Variants in ROCK2 observed in about 807,000 individuals in gnomAD.
ROCK2 encodes rho-associated protein kinase 2.
A neutral mutation model predicts 195.1 loss-of-function variants in ROCK2; 61 were observed. The observed-to-expected ratio is 0.31, with a 90% CI of 0.25 to 0.39. The LOEUF (loss-of-function observed/expected upper bound fraction) is 0.39. Ranked by LOEUF, ROCK2 falls within the 10% of genes least tolerant of loss-of-function variation. The pLI, the probability that ROCK2 is intolerant of heterozygous loss-of-function variation, is 1.00. For synonymous variants in ROCK2, 504 were observed against 545.5 expected (o/e 0.92, Z 1.06); for missense variants, 1,109 against 1,637.4 (o/e 0.68, Z 5.57).
intron 32 of ROCK2, among the ~76,000 whole-genome samples, chr2:11,186,549 C>A (rs1663206683): frequency 6.6e-6 from 1 of 152,172 alleles, no homozygotes; most frequent in African/African-American, 2.4e-5. Context: ...TTTTCATTGT[C>A]AAGTACTCAG....
chr2:11,342,774 A>C (rs1313327428), intron 1 of ROCK2, among the ~76,000 whole-genome samples: 3 of 152,224 alleles, frequency 2.0e-5, no homozygotes, highest in African/African-American at 7.2e-5. Flanking sequence ...CATCAAACAC[A>C]TGTGACACAA....
intron 1 of ROCK2, among the ~76,000 whole-genome samples, chr2:11,297,081 G>C (rs756668595): frequency 2.0e-5 from 3 of 151,970 alleles, no homozygotes; most frequent in Non-Finnish European, 4.4e-5. Context: ...TAAAAATCTG[G>C]AACAGAAAAA....
At chr2:11,306,111 A>G (rs1028853245) in intron 1 of ROCK2, among the ~76,000 whole-genome samples, 2 of 152,240 alleles carry the variant, frequency 1.3e-5, no homozygotes, top group African/African-American at 4.8e-5. Flanking sequence ...CCTGGGTCAG[A>G]TTCTTTTGCT....
chr2:11,276,617 TG>T (rs1288989973), intron 3 of ROCK2, among the ~76,000 whole-genome samples: 2 of 152,186 alleles, frequency 1.3e-5, no homozygotes, highest in Admixed American at 6.5e-5. Flanking sequence ...ATGCAAACCC[TG>T]TAACTCCAAT....
intron 1 of ROCK2, among the ~76,000 whole-genome samples, chr2:11,326,286 G>A (rs1668547682): frequency 6.6e-6 from 1 of 152,138 alleles, no homozygotes; most frequent in Admixed American, 6.5e-5. Context: ...GGCAGCAAAG[G>A]AGCCTAAGGA....
intron 5 of ROCK2, among the ~76,000 whole-genome samples, chr2:11,233,436 T>C (rs886365973): frequency 6.6e-6 from 1 of 152,210 alleles, no homozygotes; most frequent in Non-Finnish European, 1.5e-5. Flanking sequence ...ACAGCCATTC[T>C]GGAGATCGGG....
intron 11 of ROCK2, 192 bp downstream of exon 11, chr2:11,218,263 T>C: frequency 2.5e-6 from 1 of 403,342 alleles, no homozygotes; most frequent in African/African-American, 2.1e-5. Context: ...AAAAACAAAA[T>C]TACATAATAT....
Position 11,222,093 on chromosome 2 carries a change from G to A in ROCK2, c.1089C>T (p.Asn363=). Residue 363 remains asparagine (N), a synonymous_variant, in exon 8 of 33, where the codon AAC becomes AAT. Coordinates refer to ENST00000315872, the MANE Select transcript of ROCK2 (RefSeq NM_004850.5). ...GGTTTATTGACTTACTTTCTCTTAT[G>A]TTATCCCAATGCCACTGATCATTCT... The part of the protein sequence containing the change: ...FFKNDQWHWD[N]IRETAAPVVP... 1.3e-6 allele frequency: 2 copies of A among 1,595,938 alleles called. No homozygotes were observed. The highest frequency in any genetic ancestry group is 1.7e-6 in the Non-Finnish European group (2 of 1,164,202).
In ROCK2 at chr2:11,288,931, GTAAT is replaced by G. The variant is rs370157219; in HGVS notation, c.142-1199_142-1196del. Among the ~76,000 whole-genome samples, 57 of 152,170 alleles carry G rather than the reference GTAAT, an allele frequency of 3.7e-4. No homozygotes were observed. The East Asian group carries it at 9.1e-3, about 24-fold the overall frequency. ...TGAAAAAAAATTTTTCTTTAGAAAG[GTAAT>G]TAATCTACTAATCCTAGAATAACTG... On this transcript the variant is annotated intron_variant, in intron 1 of 32. Transcript: ENST00000315872.
intron 3 of ROCK2, among the ~76,000 whole-genome samples, chr2:11,279,148 AAAC>A (rs1338265516): frequency 1.3e-5 from 2 of 152,202 alleles, no homozygotes; most frequent in Non-Finnish European, 2.9e-5. Context: ...CAACAAAAGA[AAAC>A]AACAACAAAT....
chr2:11,201,336 C>T lies in ROCK2; in HGVS notation c.2697G>A (p.Gln899=), dbSNP rs747751243. The T allele has an allele frequency of 8.7e-6, 14 of 1,612,144 alleles. No homozygotes were observed. The South Asian group carries it at 1.4e-4, about 16-fold the overall frequency. The change falls in exon 22 of 33, where the codon CAG becomes CAA. Residue 899 remains glutamine, a synonymous_variant. Coordinates refer to ENST00000315872, the MANE Select transcript of ROCK2 (RefSeq NM_004850.5). This position sits in a 1 kb window ranked among gnomAD's most constrained non-coding sequence, Gnocchi z 4.6. ...EKTKLGKELQ[Q]KKQELQDERD... is the part of the protein sequence containing the mutation. ...GTTCATCCTGTAATTCCTGTTTCTT[C>T]TGCTGCAATTCTTTACCAAGTTTGG... is the stretch of plus-strand genomic sequence containing the variant.
intron 5 of ROCK2, among the ~76,000 whole-genome samples, chr2:11,230,829 C>G (rs1664981744): frequency 6.6e-6 from 1 of 151,916 alleles, no homozygotes; most frequent in Non-Finnish European, 1.5e-5. Context: ...GGTCTAAAAA[C>G]AACTGAAATG....
intron 1 of ROCK2, among the ~76,000 whole-genome samples, chr2:11,317,030 A>G (rs1668214071): frequency 6.6e-6 from 1 of 152,148 alleles, no homozygotes; most frequent in Admixed American, 6.6e-5. Flanking sequence ...TCTTCAGACT[A>G]AACTCTCATC....
chr2:11,301,565 T>G (rs889595679), intron 1 of ROCK2, among the ~76,000 whole-genome samples: 1 of 151,846 alleles, frequency 6.6e-6, no homozygotes, highest in Non-Finnish European at 1.5e-5. Flanking sequence ...TCACCTGATG[T>G]CAGGGGTTTG....
chr2:11,281,046 C>T (rs932057223), intron 3 of ROCK2, among the ~76,000 whole-genome samples: 9 of 151,818 alleles, frequency 5.9e-5, no homozygotes, highest in South Asian at 2.1e-4. Context: ...AAGAATTATA[C>T]GCCACAACCA....
At chr2:11,251,467 GA>G (rs2148129867) in intron 3 of ROCK2, among the ~76,000 whole-genome samples, 1 of 152,344 alleles carries the variant, frequency 6.6e-6, no homozygotes, top group Non-Finnish European at 1.5e-5. Flanking sequence ...GAGGCACAGA[GA>G]CATCAAACTG....
At chr2:11,301,778 C>CAAAA (rs70953386) in intron 1 of ROCK2, among the ~76,000 whole-genome samples, 1 of 129,604 alleles carries the variant, frequency 7.7e-6, no homozygotes, top group South Asian at 2.5e-4. Context: ...AACGCCGCCT[C>CAAAA]AAAAAAAAAA....
chr2:11,221,075 T>C, intron 9 of ROCK2, 123 bp downstream of exon 9: 3 of 607,174 alleles, frequency 4.9e-6, no homozygotes, highest in Admixed American at 3.1e-5. Flanking sequence ...ATTCTTCTGA[T>C]GATAGTCCTT....
intron 1 of ROCK2, among the ~76,000 whole-genome samples, chr2:11,327,423 G>A (rs992744073): frequency 1.3e-5 from 2 of 152,220 alleles, no homozygotes; most frequent in African/African-American, 4.8e-5. Context: ...GACAACTGGA[G>A]ATGATGAAAT....
Sources: allele counts gnomAD v4.1 joint callset (sites outside exome capture counted in the v4.1 genomes callset), GRCh38; gene constraint gnomAD v4.1.1; non-coding constraint Gnocchi (gnomAD v3.1); transcripts MANE v1.5; gene names NCBI Gene and HGNC (gene_info 2026-07-23, HGNC 2026-07-21).